Variants in RAPGEF6 observed in about 807,000 individuals in gnomAD.
The protein encoded by RAPGEF6 is PDZ domain containing guanine nucleotide exchange factor (GEF) 2.
Under a neutral mutation model 171.4 loss-of-function variants are expected in RAPGEF6, and 56 were observed. The ratio of observed to expected loss-of-function variants is 0.33; its 90% CI spans 0.26 to 0.41. The LOEUF (loss-of-function observed/expected upper bound fraction) is 0.41, where lower values mean the gene tolerates loss of function less well. Among genes scored for constraint, RAPGEF6 ranks in the 10% least tolerant of loss-of-function variants. The pLI is 1.00. For synonymous variants in RAPGEF6, 692 were observed against 650.1 expected, an observed-to-expected ratio of 1.06 and a Z score of -0.98; for missense variants, 1,674 against 1,921.4, an observed-to-expected ratio of 0.87 and a Z score of 2.41.
chr5:131,610,851 A>T (rs1401383973), intron 1 of RAPGEF6, among the ~76,000 whole-genome samples: 2 of 152,176 alleles, frequency 1.3e-5, no homozygotes. Context: ...GTGTGGTGCA[A>T]AGTGTAAGCT....
chr5:131,530,001 G>A (rs1759264470), intron 6 of RAPGEF6, among the ~76,000 whole-genome samples: 1 of 146,172 alleles, frequency 6.8e-6, no homozygotes, highest in African/African-American at 2.6e-5. Context: ...TCTGCCTCCC[G>A]GATTCAAGCG....
intron 21 of RAPGEF6, among the ~76,000 whole-genome samples, chr5:131,448,112 G>A (rs1408638288): frequency 6.6e-6 from 1 of 152,106 alleles, no homozygotes; most frequent in African/African-American, 2.4e-5. Context: ...AGCAGCTTTT[G>A]GTTCTTTTGT....
chr5:131,463,823 T>C, intron 18 of RAPGEF6: 4 of 1,199,816 alleles, frequency 3.3e-6, no homozygotes, highest in Non-Finnish European at 4.2e-6. Flanking sequence ...AAGATTTGTA[T>C]CATTCAGCTT....
intron 19 of RAPGEF6, among the ~76,000 whole-genome samples, chr5:131,461,189 AG>A (rs1753907077): frequency 6.6e-6 from 1 of 152,236 alleles, no homozygotes; most frequent in Non-Finnish European, 1.5e-5. Context: ...AACTTGCTTG[AG>A]GAACACCACA....
chr5:131,615,742 A>G (rs756235807), intron 1 of RAPGEF6, among the ~76,000 whole-genome samples: 2 of 152,174 alleles, frequency 1.3e-5, no homozygotes, highest in East Asian at 3.8e-4. Flanking sequence ...TCTACTAAAA[A>G]TACAAAAAAA....
intron 7 of RAPGEF6, among the ~76,000 whole-genome samples, chr5:131,512,374 C>CTTCT (rs1554077431): frequency 0.015 from 2,175 of 143,742 alleles, 40 homozygotes; most frequent in African/African-American, 0.044. Context: ...TTTTTTTCTT[C>CTTCT]TTTTTTTTTT....
At chr5:131,533,326 T>C (rs1759536669) in intron 6 of RAPGEF6, among the ~76,000 whole-genome samples, 1 of 152,180 alleles carries the variant, frequency 6.6e-6, no homozygotes, top group African/African-American at 2.4e-5. Context: ...TTTTTAATTC[T>C]GTACATTGAT....
intron 6 of RAPGEF6, among the ~76,000 whole-genome samples, chr5:131,546,784 A>C (rs1760571351): frequency 1.3e-5 from 2 of 152,210 alleles, no homozygotes; most frequent in South Asian, 4.1e-4. Flanking sequence ...TTAAAAGTTA[A>C]CAAAAATTTA....
At chr5:131,576,323 A>G (rs1333841304) in intron 4 of RAPGEF6, among the ~76,000 whole-genome samples, 1 of 152,076 alleles carries the variant, frequency 6.6e-6, no homozygotes, top group Non-Finnish European at 1.5e-5. Flanking sequence ...GCCCGCTTCC[A>G]CTACCTCTCA....
intron 22 of RAPGEF6, among the ~76,000 whole-genome samples, chr5:131,444,404 A>G (rs1350219153): frequency 1.3e-5 from 2 of 152,212 alleles, no homozygotes; most frequent in African/African-American, 2.4e-5. Context: ...CTACAGTACA[A>G]AGAAAAAAAC....
chr5:131,451,174 T>C (rs4706022), intron 21 of RAPGEF6, among the ~76,000 whole-genome samples: 141,661 of 152,304 alleles, frequency 0.93, 65,990 homozygotes, highest in East Asian at 1. Flanking sequence ...TGTAGTGATT[T>C]TCAAGGTGCA....
Position 131,429,091 on chromosome 5 carries a change from C to A in RAPGEF6, c.4591G>T (p.Asp1531Tyr). 1 of 1,614,180 alleles carries A rather than the reference C, an allele frequency of 6.2e-7. No individual in the cohort carries two copies. The highest frequency in any genetic ancestry group is 8.5e-7 in the Non-Finnish European group (1 of 1,180,036). The change falls in exon 27 of 28, where the codon GAT becomes TAT. Residue 1531 changes from aspartate to tyrosine, a missense_variant. Physicochemically the swap from Asp to Tyr is radical, Grantham distance 160. This residue lies in a region of RAPGEF6 where 552 missense variants were observed against 574.2 expected (regional missense o/e 0.96). Transcript: ENST00000509018. Reference protein sequence around the residue: ...EGPHTHLKPPDYSVAVQRSKM... With the variant: ...EGPHTHLKPPYYSVAVQRSKM... ...GACCTCTGCACTGCCACACTATAAT[C>A]TGGAGGTTTTAGGTGTGTGTGGGGT...
rs541231004 is a variant in RAPGEF6 at position 131,635,123 on chromosome 5, C to T, written c.-93G>A. ...GCGGGTGCGGTACCTTTCCCCCGCC[C>T]CAAGGAGGGAACTTCGCGCCGTAAC... is the stretch of plus-strand genomic sequence containing the variant. On this transcript the variant is annotated 5_prime_UTR_variant, in exon 1 of 28. Coordinates refer to ENST00000509018, the MANE Select transcript of RAPGEF6 (RefSeq NM_016340.6). 4.6e-6 allele frequency: 6 copies of T among 1,309,510 alleles called. No individual in the cohort carries two copies. The South Asian group carries it at 7.3e-5, about 16-fold the overall frequency. 81.1% of individuals were successfully genotyped at this position (1,309,510 alleles called of 1,614,324 possible).
At chr5:131,439,789 A>G (rs1752258994) in intron 23 of RAPGEF6, 74 bp from the exon 24 acceptor site, 2 of 1,554,418 alleles carry the variant, frequency 1.3e-6, no homozygotes, top group Admixed American at 1.8e-5. Context: ...AAATCACTAC[A>G]TAACTAACAC....
At chr5:131,474,009 A>T (rs1754929301) in intron 16 of RAPGEF6, among the ~76,000 whole-genome samples, 1 of 152,210 alleles carries the variant, frequency 6.6e-6, no homozygotes, top group African/African-American at 2.4e-5. Flanking sequence ...GACTTCAGGC[A>T]AATTTCGTTC....
chr5:131,433,086 G>A (rs1359856506), intron 25 of RAPGEF6, among the ~76,000 whole-genome samples: 4 of 151,994 alleles, frequency 2.6e-5, no homozygotes, highest in African/African-American at 9.7e-5. Flanking sequence ...CAGCACTCGA[G>A]GCACTTTCCA....
rs552989825 is a variant in RAPGEF6 at position 131,508,094 on chromosome 5, T to C, written c.919A>G (p.Ile307Val). Reference sequence around the variant, plus strand: ...ACCTCTTGCCCATCTTCAAGAATAATAGCTCCAGCCTGCTCTACCACTTCA... The same window carrying C: ...ACCTCTTGCCCATCTTCAAGAATAACAGCTCCAGCCTGCTCTACCACTTCA... Reference protein sequence around the residue: ...IFEVVEQAGAIILEDGQELDS... With the variant: ...IFEVVEQAGAVILEDGQELDS... The change falls in exon 9 of 28, where the codon ATT becomes GTT. Residue 307 changes from isoleucine (I) to valine (V), a missense_variant. Ile to Val is a conservative substitution (Grantham distance 29). Transcript: ENST00000509018. The C allele has an allele frequency of 2.7e-5, 44 of 1,607,412 alleles. No individual in the cohort carries two copies. The African/African-American group carries it at 4.6e-4, about 17-fold the overall frequency.
At chr5:131,633,508 TC>T (rs1198608914) in intron 1 of RAPGEF6, among the ~76,000 whole-genome samples, 1 of 152,036 alleles carries the variant, frequency 6.6e-6, no homozygotes, top group East Asian at 1.9e-4. Context: ...CGCGGGCAGA[TC>T]ACTTGAGGTC....
At chr5:131,559,551 T>C (rs141757348) in intron 5 of RAPGEF6, among the ~76,000 whole-genome samples, 1 of 152,050 alleles carries the variant, frequency 6.6e-6, no homozygotes, top group African/African-American at 2.4e-5. Flanking sequence ...GGGCCAGGCA[T>C]GGTGGCTCAC....
Sources: allele counts gnomAD v4.1 joint callset (sites outside exome capture counted in the v4.1 genomes callset), GRCh38; gene constraint gnomAD v4.1.1; regional missense constraint gnomAD v4.1.1; transcripts MANE v1.5; gene names NCBI Gene and HGNC (gene_info 2026-07-23, HGNC 2026-07-21).